The following FREM3 variants were observed in gnomAD, a reference collection of about 807,000 sequenced individuals.
FREM3 encodes the protein FRAS1 related extracellular matrix 3, also known as FRAS1-related extracellular matrix protein 3.
In FREM3, 105 loss-of-function variants were observed where a neutral mutation model predicts 129.1. The ratio of observed to expected loss-of-function variants is 0.81; its 90% confidence interval spans 0.69 to 0.96. FREM3 has a LOEUF of 0.96. FREM3 is among the 40% of genes least tolerant of loss of function. The pLI is 0.00. For synonymous variants in FREM3, 1,014 were observed against 1,044.9 expected (o/e 0.97, Z 0.57); for missense variants, 2,593 against 2,666.3 (o/e 0.97, Z 0.61).
At chr4:143,662,019 G>A (rs977977931) in intron 2 of FREM3, among the ~76,000 whole-genome samples, 1 of 151,460 alleles carries the variant, frequency 6.6e-6, no homozygotes, top group Non-Finnish European at 1.5e-5. Context: ...TATCAATTTT[G>A]TTGATCCTTT....
chr4:143,637,935 G>T (rs1317667492), intron 2 of FREM3, among the ~76,000 whole-genome samples: 1 of 152,106 alleles, frequency 6.6e-6, no homozygotes, highest in Non-Finnish European at 1.5e-5. Context: ...AAGGTGGCAG[G>T]TGTCAAGACT....
rs575349973 is a variant in FREM3 at position 143,577,825 on chromosome 4, C to T, written c.6206G>A (p.Arg2069Gln). ...CACGCCTGGAGCAAAGTCCAGGTTT[C>T]GGCTGATACCAACATAATCTGTTCC... Reference protein sequence around the residue: ...EAGTDYVGISRNLDFAPGVRM... With the variant: ...EAGTDYVGISQNLDFAPGVRM... The change falls in exon 8 of 8, where the codon CGA (arginine) becomes CAA (glutamine). Residue 2069 changes from arginine to glutamine, a missense_variant. By Grantham distance (43) the Arg-to-Gln change is conservative (BLOSUM62 1). This residue lies in a region of FREM3 where 317 missense variants were observed against 399.0 expected (regional missense o/e 0.79). Coordinates refer to ENST00000329798, the MANE Select transcript of FREM3 (RefSeq NM_001168235.2). 35 of 1,537,140 alleles carry T rather than the reference C, an allele frequency of 2.3e-5. No homozygotes were observed. Among genetic ancestry groups the T allele is most frequent in the East Asian group, 2.0e-4 (8 of 40,912 alleles).
intron 2 of FREM3, among the ~76,000 whole-genome samples, chr4:143,637,916 G>A (rs923493654): frequency 2.0e-5 from 3 of 152,186 alleles, no homozygotes; most frequent in South Asian, 2.1e-4. Context: ...TGGTGGGTGG[G>A]GAGAGAAGAA....
chr4:143,689,433 C>T (rs558459471), intron 2 of FREM3, among the ~76,000 whole-genome samples: 40 of 152,130 alleles, frequency 2.6e-4, no homozygotes, highest in African/African-American at 9.4e-4. Context: ...TCTACACTGC[C>T]GGTGGGAATG....
At chr4:143,669,188 C>G (rs1193390456) in intron 2 of FREM3, among the ~76,000 whole-genome samples, 2 of 152,114 alleles carry the variant, frequency 1.3e-5, no homozygotes, top group Non-Finnish European at 2.9e-5. Context: ...GAGTCTAAGA[C>G]TGAGAGGCCT....
Position 143,699,934 on chromosome 4 carries a change from C to A in FREM3, c.742G>T (p.Ala248Ser). Residue 248 changes from alanine (A) to serine (S), a missense_variant, in exon 1 of 8, where the codon GCT (alanine) becomes TCT (serine). Transcript: ENST00000329798. The surrounding 1 kb of genome is among the most constrained non-coding windows in gnomAD (Gnocchi z 4.2). ...GCTGTGTGCTGATAGCGCACCCCAG[C>A]ACGGAGGAAAGCCTCACAGTCTACG... The part of the protein sequence containing the change: ...KGVDCEAFLR[A>S]GVRYQHTATS... 1 of 1,533,684 alleles carries A rather than the reference C, an allele frequency of 6.5e-7. No individual in the cohort carries two copies. Among genetic ancestry groups the A allele is most frequent in the South Asian group, 1.2e-5 (1 of 83,600 alleles).
chr4:143,586,301 A>T (rs1427273004), intron 6 of FREM3, among the ~76,000 whole-genome samples: 2 of 152,192 alleles, frequency 1.3e-5, no homozygotes, highest in Non-Finnish European at 2.9e-5. Context: ...AAAATTGGCC[A>T]ATCAGCTGTA....
At chr4:143,588,576 T>A (rs4443233) in intron 6 of FREM3, among the ~76,000 whole-genome samples, 50,360 of 151,906 alleles carry the variant, frequency 0.33, 10,268 homozygotes, top group Middle Eastern at 0.47. Context: ...CATGAACTCA[T>A]CATTTTTTAT....
intron 2 of FREM3, among the ~76,000 whole-genome samples, chr4:143,663,883 CT>C (rs747918934): frequency 1.3e-5 from 2 of 152,100 alleles, no homozygotes; most frequent in Non-Finnish European, 2.9e-5. Context: ...GCATCGGCTC[CT>C]GAGGCTTCTG....
In FREM3 at chr4:143,577,839, ATAATCTGTT is replaced by A. The variant is rs1738067989; in HGVS notation, c.6183_6191del (p.Thr2062_Tyr2064del). 6.5e-7 allele frequency: 1 copy of A among 1,537,038 alleles called. No individual in the cohort carries two copies. Among genetic ancestry groups the A allele is most frequent in the African/African-American group, 1.4e-5 (1 of 73,058 alleles). On this transcript the variant is annotated inframe_deletion, in exon 8 of 8. Coordinates refer to ENST00000329798, the MANE Select transcript of FREM3 (RefSeq NM_001168235.2). ...AGTCCAGGTTTCGGCTGATACCAAC[ATAATCTGTT>A]CCAGCTAGTGAAAAAGGAAAAGGCA...
chr4:143,643,723 G>A (rs1739364409), intron 2 of FREM3, among the ~76,000 whole-genome samples: 1 of 152,054 alleles, frequency 6.6e-6, no homozygotes, highest in Admixed American at 6.6e-5. Flanking sequence ...AATAAGGTGG[G>A]AGAAATAAGT....
At chr4:143,608,961 C>T (rs1406347293) in intron 6 of FREM3, among the ~76,000 whole-genome samples, 1 of 152,098 alleles carries the variant, frequency 6.6e-6, no homozygotes, top group African/African-American at 2.4e-5. Flanking sequence ...AAAAACTCAG[C>T]CTACAGGATG....
chr4:143,640,583 T>C (rs1739305914), intron 2 of FREM3, among the ~76,000 whole-genome samples: 1 of 152,184 alleles, frequency 6.6e-6, no homozygotes, highest in Admixed American at 6.5e-5. Context: ...GGCAGGAGAA[T>C]CACTTGAACC....
intron 7 of FREM3, among the ~76,000 whole-genome samples, chr4:143,579,876 A>G (rs1447732777): frequency 1.3e-5 from 2 of 152,244 alleles, no homozygotes; most frequent in Non-Finnish European, 2.9e-5. Context: ...TGTTAAACCC[A>G]TGAATCACTA....
intron 6 of FREM3, among the ~76,000 whole-genome samples, chr4:143,591,046 C>T (rs1738350888): frequency 1.3e-5 from 2 of 152,284 alleles, no homozygotes; most frequent in East Asian, 3.9e-4. Flanking sequence ...ATAGTATTCT[C>T]TGATGGTAGC....
intron 2 of FREM3, among the ~76,000 whole-genome samples, chr4:143,689,392 G>T (rs1289044709): frequency 1.3e-5 from 2 of 152,026 alleles, no homozygotes; most frequent in Admixed American, 1.3e-4. Flanking sequence ...GTAGATTTTG[G>T]CATGGATGTG....
At chr4:143,643,263 T>G (rs1295028726) in intron 2 of FREM3, among the ~76,000 whole-genome samples, 1 of 152,122 alleles carries the variant, frequency 6.6e-6, no homozygotes, top group Non-Finnish European at 1.5e-5. Flanking sequence ...ATCCCACTGC[T>G]GGGTATATAT....
chr4:143,663,780 A>C (rs957296519), intron 2 of FREM3, among the ~76,000 whole-genome samples: 1 of 151,882 alleles, frequency 6.6e-6, no homozygotes, highest in Non-Finnish European at 1.5e-5. Flanking sequence ...GGCTTTGTTC[A>C]TTTCTTTTCA....
chr4:143,656,552 C>G (rs1040619287), intron 2 of FREM3, among the ~76,000 whole-genome samples: 2 of 151,976 alleles, frequency 1.3e-5, no homozygotes, highest in Non-Finnish European at 2.9e-5. Flanking sequence ...GTGACAGAAA[C>G]CAGACAAAAG....
Sources: gnomAD v4.1 joint callset for allele counts (sites outside exome capture counted in the v4.1 genomes callset) on GRCh38, gnomAD v4.1.1 for gene constraint, gnomAD v4.1.1 regional missense constraint, Gnocchi (gnomAD v3.1) non-coding constraint, MANE v1.5 for transcripts, NCBI Gene and HGNC (gene_info 2026-07-23, HGNC 2026-07-21) for gene names.